Variants in COL11A1 observed in about 807,000 individuals in gnomAD.
The protein encoded by COL11A1 is collagen type XI alpha 1 chain.
Under a neutral mutation model 265.2 loss-of-function variants are expected in COL11A1, and 74 were observed. The observed-to-expected ratio is 0.28, with a 90% CI of 0.23 to 0.34. The LOEUF (loss-of-function observed/expected upper bound fraction) is 0.34, where lower values mean the gene tolerates loss of function less well. Among genes scored for constraint, COL11A1 ranks in the 10% least tolerant of loss-of-function variants. The probability of loss-of-function intolerance (pLI) is 1.00; values close to 1 mark genes in which losing one functional copy is unlikely to be tolerated. For synonymous variants in COL11A1, 816 were observed against 727.6 expected (o/e 1.12, Z -1.96); for missense variants, 2,165 against 2,263.6 (o/e 0.96, Z 0.88).
At chr1:102,999,111 C>A (rs940990346) in intron 24 of COL11A1, among the ~76,000 whole-genome samples, 1 of 151,820 alleles carries the variant, frequency 6.6e-6, no homozygotes, top group East Asian at 1.9e-4. Context: ...GTTATTGACA[C>A]ATCAAGTTAT....
At chr1:103,037,142 TTA>T (rs34909682) in intron 4 of COL11A1, among the ~76,000 whole-genome samples, 18 of 148,362 alleles carry the variant, frequency 1.2e-4, no homozygotes, top group South Asian at 2.1e-4. Context: ...ATATATAATT[TTA>T]TATATATATA....
chr1:103,108,386 C>G lies in COL11A1; in HGVS notation c.-208G>C. The G allele has an allele frequency of 1.6e-6, 1 of 627,250 alleles. No individual in the cohort carries two copies. 38.9% of individuals were successfully genotyped at this position (627,250 alleles called of 1,614,324 possible). On this transcript the variant is annotated 5_prime_UTR_variant, in exon 1 of 67. Transcript: ENST00000370096. ...CCTTTCCTCTCCCTCTGAGTTGGCC[C>G]CACCGGCCGGGACCCTCCGGCCGCG...
chr1:103,094,367 C>T lies in COL11A1; in HGVS notation c.107-11395G>A, dbSNP rs553252226. Among the ~76,000 whole-genome samples the T allele has an allele frequency of 2.0e-5, 3 of 152,224 alleles. No individual in the cohort carries two copies. In the East Asian group the frequency reaches 5.8e-4, roughly 29 times the overall value. The stretch of plus-strand genomic sequence containing the variant: ...GATTATTCAAGACTGCTTTTGCCTT[C>T]TTTTATCACATAGACCCTTCTATGA... On this transcript the variant is annotated intron_variant, in intron 1 of 66. Coordinates refer to ENST00000370096, the MANE Select transcript of COL11A1 (RefSeq NM_001854.4).
intron 46 of COL11A1, among the ~76,000 whole-genome samples, chr1:102,933,277 A>T: frequency 7.9e-6 from 1 of 126,588 alleles, no homozygotes; most frequent in African/African-American, 2.9e-5. Context: ...TTTGGTGTGG[A>T]TGTCCTTTCT....
chr1:102,996,604 A>G (rs1437420053), intron 26 of COL11A1, among the ~76,000 whole-genome samples: 3 of 151,910 alleles, frequency 2.0e-5, no homozygotes, highest in Non-Finnish European at 4.4e-5. Flanking sequence ...AATTAAAAAC[A>G]ACTGTAAACA....
chr1:102,975,265 T>TAA (rs35123438), intron 35 of COL11A1, among the ~76,000 whole-genome samples: 22,063 of 136,170 alleles, frequency 0.16, 1,766 homozygotes, highest in Middle Eastern at 0.26. Flanking sequence ...CAGCCCCGCT[T>TAA]AAAAAAAAAA....
At chr1:102,965,669 T>C in intron 37 of COL11A1, 129 bp from the exon 38 acceptor site, 1 of 713,756 alleles carries the variant, frequency 1.4e-6, no homozygotes, top group Non-Finnish European at 2.4e-6. Context: ...TATTTTCAAA[T>C]GCTTAAATAT....
intron 4 of COL11A1, among the ~76,000 whole-genome samples, chr1:103,051,833 T>C (rs1206254933): frequency 1.3e-5 from 2 of 152,226 alleles, no homozygotes; most frequent in African/African-American, 4.8e-5. Context: ...TCAAGAAGTA[T>C]AGAAAAGATG....
Position 102,898,692 on chromosome 1 carries a change from C to T in COL11A1, c.4222G>A (p.Gly1408Ser), listed in dbSNP as rs200496207. The T allele has an allele frequency of 3.3e-4, 534 of 1,612,598 alleles. No individual in the cohort carries two copies. Among genetic ancestry groups the T allele is most frequent in the Non-Finnish European group, 4.4e-4 (519 of 1,179,228 alleles). ...QGPAGKPGPE[G>S]LRGIPGPVGE... ...ACAGGACCAGGGATGCCCCGAAGAC[C>T]TTCTGGACCAGGCTTTCCTGCAGGT... The change falls in exon 56 of 67, where the codon GGT (glycine) becomes AGT (serine). Residue 1408 changes from glycine to serine, a missense_variant. By Grantham distance (56) the Gly-to-Ser change is moderately conservative. Coordinates refer to ENST00000370096, the MANE Select transcript of COL11A1 (RefSeq NM_001854.4).
intron 1 of COL11A1, among the ~76,000 whole-genome samples, chr1:103,084,340 G>A (rs1037121969): frequency 1.3e-5 from 2 of 152,028 alleles, no homozygotes; most frequent in African/African-American, 4.8e-5. Context: ...ATACAGAAGT[G>A]CCATATGACC....
intron 54 of COL11A1, among the ~76,000 whole-genome samples, chr1:102,902,579 A>G (rs1653349835): frequency 6.6e-6 from 1 of 151,976 alleles, no homozygotes; most frequent in Non-Finnish European, 1.5e-5. Context: ...AATCTCCTAG[A>G]AAGGTATATA....
intron 54 of COL11A1, 45 bp downstream of exon 54, chr1:102,912,114 T>G (rs1372869198): frequency 6.9e-7 from 1 of 1,458,060 alleles, no homozygotes; most frequent in African/African-American, 1.4e-5. Flanking sequence ...TTATCCATGG[T>G]GACTAATGAG....
At position 103,015,729 on chromosome 1, in the gene COL11A1, C is replaced by T. The variant is rs149558726; in HGVS notation, c.1427G>A (p.Arg476His). Reference protein sequence around the residue: ...GDPGDRGPPGRPGLPGADGLP... With the variant: ...GDPGDRGPPGHPGLPGADGLP... ...ACCATCAGCCCCTGGTAAGCCAGGA[C>T]GTCCTGGGGGGCCCTAGAAAAATAA... Residue 476 changes from arginine to histidine, a missense_variant, in exon 12 of 67, where the codon CGT (arginine) becomes CAT (histidine). Transcript: ENST00000370096. 755 of 1,604,886 alleles carry T rather than the reference C, an allele frequency of 4.7e-4. No individual in the cohort carries two copies. Among genetic ancestry groups the T allele is most frequent in the Middle Eastern group, 8.3e-4 (5 of 6,020 alleles).
At chr1:103,074,586 A>G in intron 4 of COL11A1, 32 bp downstream of exon 4, 2 of 1,610,368 alleles carry the variant, frequency 1.2e-6, no homozygotes, top group Non-Finnish European at 1.7e-6. Context: ...CTGATTTGTC[A>G]ATATTCAGCT....
intron 6 of COL11A1, chr1:103,025,893 T>C: frequency 6.2e-7 from 1 of 1,613,210 alleles, no homozygotes; most frequent in Non-Finnish European, 8.5e-7. Context: ...ACTTTTTGGA[T>C]TTTTCCTTTG....
chr1:103,071,720 G>T (rs891384364), intron 4 of COL11A1, among the ~76,000 whole-genome samples: 1 of 151,254 alleles, frequency 6.6e-6, no homozygotes, highest in Admixed American at 6.6e-5. Flanking sequence ...CTGACTGACA[G>T]ATGGGTCACT....
chr1:102,946,675 A>G (rs1406972549), intron 42 of COL11A1, among the ~76,000 whole-genome samples, 174 bp downstream of exon 42: 1 of 152,118 alleles, frequency 6.6e-6, no homozygotes, highest in Non-Finnish European at 1.5e-5. Flanking sequence ...ATGTCATCTC[A>G]TTTAATTGAA....
intron 10 of COL11A1, 129 bp downstream of exon 10, chr1:103,018,689 T>C (rs2101919059): frequency 1.3e-6 from 1 of 743,644 alleles, no homozygotes; most frequent in Non-Finnish European, 2.2e-6. Context: ...CACCAGCTCC[T>C]CTGAACAAAT....
At chr1:103,106,291 C>T (rs1459076101) in intron 1 of COL11A1, among the ~76,000 whole-genome samples, 1 of 152,184 alleles carries the variant, frequency 6.6e-6, no homozygotes, top group Non-Finnish European at 1.5e-5. Context: ...GTATTTCATC[C>T]ATCACCGAAG....
Sources: allele counts gnomAD v4.1 joint callset (sites outside exome capture counted in the v4.1 genomes callset), GRCh38; gene constraint gnomAD v4.1.1; transcripts MANE v1.5; gene names NCBI Gene and HGNC (gene_info 2026-07-23, HGNC 2026-07-21).